ANO3: variants seen among roughly 807,000 people sequenced by gnomAD.
ANO3 encodes anoctamin 3.
In ANO3, 99 loss-of-function variants were observed where a neutral mutation model predicts 144.8. The observed-to-expected ratio is 0.68, with a 90% CI of 0.58 to 0.81. ANO3 has a LOEUF of 0.81. ANO3 is among the 30% of genes least tolerant of loss of function. ANO3 has a pLI of 0.00. For missense variants in ANO3, 905 were observed against 1,202.2 expected, an observed-to-expected ratio of 0.75 and a Z score of 3.66; for synonymous variants, 414 against 392.6, an observed-to-expected ratio of 1.05 and a Z score of -0.64.
At chr11:26,638,505 G>C (rs2133051607) in intron 20 of ANO3, among the ~76,000 whole-genome samples, 1 of 152,356 alleles carries the variant, frequency 6.6e-6, no homozygotes. Flanking sequence ...GACCAGAGGA[G>C]ACTGGGGAGA....
chr11:26,505,422 G>A (rs1372281015), intron 4 of ANO3, among the ~76,000 whole-genome samples: 1 of 152,184 alleles, frequency 6.6e-6, no homozygotes, highest in African/African-American at 2.4e-5. Context: ...ATACAAGCCT[G>A]TGAATATTTA....
chr11:26,443,230 C>T (rs1858585556), intron 2 of ANO3, among the ~76,000 whole-genome samples: 2 of 152,092 alleles, frequency 1.3e-5, no homozygotes, highest in Admixed American at 1.3e-4. Flanking sequence ...AATATGTCTA[C>T]TATGTAAAGT....
At chr11:26,461,126 G>A (rs1303196011) in intron 3 of ANO3, among the ~76,000 whole-genome samples, 2 of 152,036 alleles carry the variant, frequency 1.3e-5, no homozygotes, top group Admixed American at 6.6e-5. Context: ...GCGAGCGAGC[G>A]CGAGAGTGCC....
chr11:26,524,032 A>G (rs1849095906), intron 6 of ANO3, among the ~76,000 whole-genome samples: 1 of 152,222 alleles, frequency 6.6e-6, no homozygotes, highest in Non-Finnish European at 1.5e-5. Flanking sequence ...TGTTTATGAA[A>G]TGAAAAATAC....
intron 1 of ANO3, among the ~76,000 whole-genome samples, chr11:26,366,516 A>G (rs1856090552): frequency 6.6e-6 from 1 of 152,126 alleles, no homozygotes. Context: ...GGCTGGGTCA[A>G]ATGGTCTTTC....
chr11:26,220,648 G>T (rs1254751017), intron 1 of ANO3, among the ~76,000 whole-genome samples: 1 of 152,112 alleles, frequency 6.6e-6, no homozygotes, highest in African/African-American at 2.4e-5. Context: ...CCATGGTCAG[G>T]GACAGGTTTC....
chr11:26,326,803 A>G (rs1225442785), intron 1 of ANO3, among the ~76,000 whole-genome samples: 1 of 152,214 alleles, frequency 6.6e-6, no homozygotes, highest in Non-Finnish European at 1.5e-5. Context: ...AGTAACTAGT[A>G]CAATCACACC....
At chr11:26,471,628 C>A (rs556538942) in intron 4 of ANO3, among the ~76,000 whole-genome samples, 5 of 151,938 alleles carry the variant, frequency 3.3e-5, no homozygotes, top group Admixed American at 3.3e-4. Flanking sequence ...CAGCTGCCAA[C>A]AGTTGTGTGT....
At chr11:26,213,690 T>A (rs971925604) in intron 1 of ANO3, among the ~76,000 whole-genome samples, 2 of 152,042 alleles carry the variant, frequency 1.3e-5, no homozygotes, top group African/African-American at 4.8e-5. Flanking sequence ...ATCATGAAAA[T>A]GGCCATAGTG....
chr11:26,230,891 T>C (rs953007154), intron 1 of ANO3, among the ~76,000 whole-genome samples: 7 of 150,422 alleles, frequency 4.7e-5, no homozygotes, highest in Non-Finnish European at 8.9e-5. Context: ...TTTTTTCTTT[T>C]TTTTTTTTTT....
At chr11:26,216,572 A>C (rs552596221) in intron 1 of ANO3, among the ~76,000 whole-genome samples, 1 of 152,132 alleles carries the variant, frequency 6.6e-6, no homozygotes, top group African/African-American at 2.4e-5. Context: ...AGATAAAGCT[A>C]CTTAACTTTT....
intron 17 of ANO3, among the ~76,000 whole-genome samples, chr11:26,620,538 T>G (rs2132995725): frequency 6.6e-6 from 1 of 152,210 alleles, no homozygotes; most frequent in Non-Finnish European, 1.5e-5. Flanking sequence ...AATTTTTAAA[T>G]TAAAGAATGA....
intron 1 of ANO3, among the ~76,000 whole-genome samples, chr11:26,411,678 T>C (rs1350612425): frequency 2.0e-5 from 3 of 151,926 alleles, no homozygotes; most frequent in Non-Finnish European, 4.4e-5. Context: ...CACCACACTT[T>C]CCGTGAGATA....
At chr11:26,381,115 A>T (rs900574304) in intron 1 of ANO3, among the ~76,000 whole-genome samples, 2 of 152,162 alleles carry the variant, frequency 1.3e-5, no homozygotes, top group Admixed American at 1.3e-4. Flanking sequence ...GTAACCTGAG[A>T]TTATTGTGAA....
intron 1 of ANO3, among the ~76,000 whole-genome samples, chr11:26,361,477 T>G (rs1042451124): frequency 6.6e-5 from 10 of 152,190 alleles, no homozygotes; most frequent in African/African-American, 2.4e-4. Flanking sequence ...ATGATGTAAT[T>G]ATCAGGATTT....
chr11:26,199,526 C>A (rs528068240), intron 1 of ANO3, among the ~76,000 whole-genome samples: 1 of 152,158 alleles, frequency 6.6e-6, no homozygotes, highest in South Asian at 2.1e-4. Context: ...TAAATTTATA[C>A]TTGTATAACC....
At chr11:26,618,655 C>A (rs915809540) in intron 17 of ANO3, among the ~76,000 whole-genome samples, 2 of 152,134 alleles carry the variant, frequency 1.3e-5, no homozygotes, top group African/African-American at 2.4e-5. Flanking sequence ...CTTTTCCATT[C>A]TCTTCTTGGC....
chr11:26,338,140 A>C (rs183232797), intron 1 of ANO3, among the ~76,000 whole-genome samples: 1,753 of 152,070 alleles, frequency 0.012, 29 homozygotes, highest in Admixed American at 0.018. Context: ...CAGCAAAAAC[A>C]ACAGTAGAAG....
At position 26,288,431 on chromosome 11, in the gene ANO3, G is replaced by A. The variant is rs149442705; in HGVS notation, c.155-21214G>A. On this transcript the variant is annotated intron_variant, in intron 1 of 27. Transcript: ENST00000672621. Reference sequence around the variant, plus strand: ...TTTAAGTTCTAAAAACCAACATATAGGACAAATTATAAATCTGGACTCTTA... The same window carrying A: ...TTTAAGTTCTAAAAACCAACATATAAGACAAATTATAAATCTGGACTCTTA... Among the ~76,000 whole-genome samples, 208 of 152,222 alleles carry A rather than the reference G, an allele frequency of 1.4e-3. 3 individuals carry two copies. Among genetic ancestry groups the A allele is most frequent in the African/African-American group, 4.6e-3 (193 of 41,548 alleles).
Sources: allele counts gnomAD v4.1 joint callset (sites outside exome capture counted in the v4.1 genomes callset), GRCh38; gene constraint gnomAD v4.1.1; transcripts MANE v1.5; gene names NCBI Gene and HGNC (gene_info 2026-07-23, HGNC 2026-07-21).